The following CNTNAP2 variants were observed in gnomAD, a reference collection of about 807,000 sequenced individuals.
CNTNAP2 encodes the protein contactin-associated protein-like 2.
CNTNAP2 carries 98 observed loss-of-function variants against 155.2 expected under a neutral mutation model. The observed-to-expected ratio is 0.63, with a 90% CI of 0.54 to 0.75. The LOEUF (loss-of-function observed/expected upper bound fraction) is 0.75. Ranked by LOEUF, CNTNAP2 falls within the 30% of genes least tolerant of loss-of-function variation. CNTNAP2 has a pLI of 0.00. For missense variants in CNTNAP2, 1,727 were observed against 1,688.1 expected, an observed-to-expected ratio of 1.02 and a Z score of -0.40; for synonymous variants, 651 against 631.2, an observed-to-expected ratio of 1.03 and a Z score of -0.47.
At chr7:148,401,147 T>C (rs1487599504) in intron 22 of CNTNAP2, among the ~76,000 whole-genome samples, 1 of 152,218 alleles carries the variant, frequency 6.6e-6, no homozygotes, top group Non-Finnish European at 1.5e-5. Context: ...GCCAGCTGGA[T>C]AGCTGCTCCT....
chr7:146,650,410 G>T (rs765221821), intron 1 of CNTNAP2, among the ~76,000 whole-genome samples: 7 of 152,068 alleles, frequency 4.6e-5, no homozygotes, highest in South Asian at 2.1e-4. Context: ...GGGTGAAGCT[G>T]GAAAGCATCA....
chr7:146,891,444 C>T (rs950608948), intron 3 of CNTNAP2, among the ~76,000 whole-genome samples: 4 of 151,952 alleles, frequency 2.6e-5, no homozygotes, highest in Non-Finnish European at 4.4e-5. Context: ...CAAATTTGCA[C>T]GATGTTTTAC....
chr7:146,899,929 G>C (rs1011501624), intron 3 of CNTNAP2, among the ~76,000 whole-genome samples: 1 of 152,162 alleles, frequency 6.6e-6, no homozygotes, highest in African/African-American at 2.4e-5. Context: ...CTTAAAGATA[G>C]ATGTCCCTAT....
At chr7:147,385,900 C>T (rs548837702) in intron 9 of CNTNAP2, among the ~76,000 whole-genome samples, 2 of 152,334 alleles carry the variant, frequency 1.3e-5, no homozygotes, top group Admixed American at 1.3e-4. Context: ...TCATGAGGGT[C>T]CCATCTCTGC....
intron 1 of CNTNAP2, among the ~76,000 whole-genome samples, chr7:146,259,373 G>A (rs970091495): frequency 2.0e-5 from 3 of 152,138 alleles, no homozygotes; most frequent in African/African-American, 7.2e-5. Context: ...AGTTTGGAGG[G>A]CTCTGAAGAA....
chr7:148,005,112 G>A (rs1386545056), intron 15 of CNTNAP2, among the ~76,000 whole-genome samples: 1 of 152,160 alleles, frequency 6.6e-6, no homozygotes, highest in South Asian at 2.1e-4. Flanking sequence ...ATAAACAACT[G>A]AAATTTGTAT....
At chr7:146,194,508 A>G (rs1227147895) in intron 1 of CNTNAP2, among the ~76,000 whole-genome samples, 4 of 152,166 alleles carry the variant, frequency 2.6e-5, no homozygotes, top group Admixed American at 6.5e-5. Flanking sequence ...CCGTGAGTCA[A>G]TTACCTCCCA....
At chr7:146,229,024 C>T (rs908017225) in intron 1 of CNTNAP2, among the ~76,000 whole-genome samples, 2 of 152,140 alleles carry the variant, frequency 1.3e-5, no homozygotes, top group Non-Finnish European at 2.9e-5. Context: ...TGAACCGTTT[C>T]ACATGAGTTT....
intron 21 of CNTNAP2, among the ~76,000 whole-genome samples, chr7:148,313,524 G>C (rs140049425): frequency 2.0e-5 from 3 of 152,118 alleles, no homozygotes; most frequent in Non-Finnish European, 4.4e-5. Context: ...GCAAGCTCCC[G>C]GGGGAGAAGG....
chr7:147,956,331 G>A (rs1801016095), intron 14 of CNTNAP2, among the ~76,000 whole-genome samples: 1 of 149,846 alleles, frequency 6.7e-6, no homozygotes, highest in South Asian at 2.1e-4. Flanking sequence ...AGTGAGATAA[G>A]CACATCAATC....
In CNTNAP2 at chr7:148,417,291, C is replaced by A. The variant is rs1800016390; in HGVS notation, c.*1675C>A. 6.6e-6 allele frequency: 1 copy of A among 152,522 alleles called. No homozygotes were observed. Among genetic ancestry groups the A allele is most frequent in the African/African-American group, 2.4e-5 (1 of 41,422 alleles). The allele number at this position is 152,522 out of a possible 1,614,324, so 9.4% of individuals were successfully genotyped here. A position where few individuals can be genotyped will look rare whatever the true frequency, so the allele number is the denominator to read the frequency against. On this transcript the variant is annotated 3_prime_UTR_variant, in exon 24 of 24. Transcript: ENST00000361727. ...TCTCAGTGTGCCTAACTTATTGGAG[C>A]ACATCAGTTTCTTGGGTAATGGAAA... is the stretch of plus-strand genomic sequence containing the variant.
chr7:147,308,300 G>T (rs13234094), intron 9 of CNTNAP2, among the ~76,000 whole-genome samples: 25,857 of 152,132 alleles, frequency 0.17, 2,812 homozygotes, highest in Non-Finnish European at 0.24. Context: ...GACTGAGAAG[G>T]TTGGACCGAG....
intron 21 of CNTNAP2, among the ~76,000 whole-genome samples, chr7:148,312,049 G>A (rs1797604670): frequency 6.6e-6 from 1 of 152,176 alleles, no homozygotes; most frequent in South Asian, 2.1e-4. Flanking sequence ...ATAGATCTTG[G>A]AAGTTATGAG....
chr7:147,889,780 A>G (rs907623393), intron 13 of CNTNAP2, among the ~76,000 whole-genome samples: 1 of 152,218 alleles, frequency 6.6e-6, no homozygotes, highest in African/African-American at 2.4e-5. Flanking sequence ...CTAAATTTTA[A>G]ATAGCTGCGT....
chr7:147,415,842 A>G (rs1230780738), intron 10 of CNTNAP2, among the ~76,000 whole-genome samples: 3 of 152,172 alleles, frequency 2.0e-5, no homozygotes, highest in African/African-American at 7.2e-5. Flanking sequence ...GTGTGAACTG[A>G]TTCTACACCG....
chr7:147,616,612 A>G (rs1224093707), intron 12 of CNTNAP2, among the ~76,000 whole-genome samples: 1 of 152,110 alleles, frequency 6.6e-6, no homozygotes, highest in African/African-American at 2.4e-5. Flanking sequence ...AATTTGCTCA[A>G]ATATTAGGAT....
chr7:147,101,321 C>T (rs918861502), intron 4 of CNTNAP2, among the ~76,000 whole-genome samples: 6 of 152,158 alleles, frequency 3.9e-5, no homozygotes, highest in Non-Finnish European at 8.8e-5. Context: ...GACCCCTTCA[C>T]GGGACTTGCA....
intron 4 of CNTNAP2, chr7:147,085,588 T>C (rs1452470938): frequency 6.6e-6 from 1 of 152,198 alleles, no homozygotes; most frequent in Non-Finnish European, 1.5e-5. Flanking sequence ...AGGTTGGAGA[T>C]CGCTGCCATA....
chr7:146,790,477 T>C (rs1802650135), intron 2 of CNTNAP2, among the ~76,000 whole-genome samples: 1 of 152,138 alleles, frequency 6.6e-6, no homozygotes, highest in Admixed American at 6.5e-5. Flanking sequence ...AGAGGAAATA[T>C]GCAGGTGCCC....
Sources: gnomAD v4.1 joint callset for allele counts (sites outside exome capture counted in the v4.1 genomes callset) on GRCh38, gnomAD v4.1.1 for gene constraint, MANE v1.5 for transcripts, NCBI Gene and HGNC (gene_info 2026-07-23, HGNC 2026-07-21) for gene names.